The following DYRK1A variants were observed in gnomAD, a reference collection of about 807,000 sequenced individuals.
The protein encoded by DYRK1A is dual specificity tyrosine-phosphorylation-regulated kinase 1A.
A neutral mutation model predicts 79.7 loss-of-function variants in DYRK1A; 9 were observed. The observed-to-expected ratio is 0.11, with a 90% CI of 0.07 to 0.20. The LOEUF (loss-of-function observed/expected upper bound fraction) is 0.20. Ranked by LOEUF, DYRK1A falls within the 10% of genes least tolerant of loss-of-function variation. The pLI is 1.00. For synonymous variants in DYRK1A, 349 were observed against 329.7 expected (o/e 1.06, Z -0.63); for missense variants, 622 against 956.0 (o/e 0.65, Z 4.61).
At chr21:37,496,646 A>AT (rs532759831) in intron 9 of DYRK1A, among the ~76,000 whole-genome samples, 114 of 147,520 alleles carry the variant, frequency 7.7e-4, no homozygotes, top group African/African-American at 2.0e-3. Context: ...GGAGTAAATG[A>AT]TTTTTTTTTT....
chr21:37,370,967 T>C (rs888219761), intron 1 of DYRK1A, among the ~76,000 whole-genome samples: 18 of 152,202 alleles, frequency 1.2e-4, no homozygotes, highest in Middle Eastern at 3.2e-3. Context: ...CCAGATGTTA[T>C]CTTGACTGTT....
chr21:37,477,031 G>T (rs1490877329), intron 3 of DYRK1A, among the ~76,000 whole-genome samples: 1 of 152,150 alleles, frequency 6.6e-6, no homozygotes, highest in Non-Finnish European at 1.5e-5. Context: ...TAACAATTCT[G>T]TCTTTTCGGA....
intron 2 of DYRK1A, among the ~76,000 whole-genome samples, chr21:37,466,045 G>C (rs1474199845): frequency 2.0e-5 from 3 of 152,194 alleles, no homozygotes; most frequent in Non-Finnish European, 4.4e-5. Context: ...ACTCAATCTA[G>C]ATTCAAAAAA....
At chr21:37,373,521 C>T (rs573275147) in intron 1 of DYRK1A, among the ~76,000 whole-genome samples, 3 of 152,160 alleles carry the variant, frequency 2.0e-5, no homozygotes, top group Non-Finnish European at 4.4e-5. Context: ...AACAGTATAA[C>T]TTATCTAAGG....
intron 2 of DYRK1A, among the ~76,000 whole-genome samples, chr21:37,461,838 G>GTGATTTT (rs2051847983): frequency 6.8e-6 from 1 of 146,070 alleles, no homozygotes; most frequent in Non-Finnish European, 1.5e-5. Flanking sequence ...TTGCCTCAGT[G>GTGATTTT]TGATTTTTGT....
At chr21:37,398,074 A>AT (rs201720054) in intron 1 of DYRK1A, among the ~76,000 whole-genome samples, 4,113 of 109,738 alleles carry the variant, frequency 0.037, 138 homozygotes, top group African/African-American at 0.11. Context: ...TCTTAAAAAA[A>AT]AAATATATAT....
At position 37,400,812 on chromosome 21, in the gene DYRK1A, A is replaced by T. The variant is rs78743949; in HGVS notation, c.-76-19487A>T. Among the ~76,000 whole-genome samples the T allele has an allele frequency of 5.4e-3, 824 of 152,258 alleles. 19 individuals carry two copies. The East Asian group carries it at 0.086, about 16-fold the overall frequency. On this transcript the variant is annotated intron_variant, in intron 1 of 11. Transcript: ENST00000647188. ...GCAGAAGAGTAGCCAAAAATATACT[A>T]TGATTGTACCCTTTCTAAAGTTGCT... is the stretch of plus-strand genomic sequence containing the variant.
intron 2 of DYRK1A, among the ~76,000 whole-genome samples, chr21:37,451,285 C>T (rs1335327962): frequency 6.6e-6 from 1 of 152,066 alleles, no homozygotes; most frequent in African/African-American, 2.4e-5. Context: ...TCTATAAAGT[C>T]GACCGTAGTA....
chr21:37,414,580 G>C (rs777734207), intron 1 of DYRK1A, among the ~76,000 whole-genome samples: 1 of 152,086 alleles, frequency 6.6e-6, no homozygotes, highest in African/African-American at 2.4e-5. Context: ...GAACAAGCCC[G>C]CCTTATAAAA....
chr21:37,490,026 C>T, intron 6 of DYRK1A, 149 bp from the exon 7 acceptor site: 1 of 752,660 alleles, frequency 1.3e-6, no homozygotes, highest in African/African-American at 1.8e-5. Context: ...TGATTGAAAA[C>T]TGCTGTTATT....
At chr21:37,366,473 C>T (rs1162269811), upstream of DYRK1A, among the ~76,000 whole-genome samples, 1 of 148,738 alleles carries the variant, frequency 6.7e-6, no homozygotes, top group East Asian at 2.0e-4. Context: ...GCCGCCTCGC[C>T]CCCCCTTCCC....
chr21:37,402,752 C>T (rs942229518), intron 1 of DYRK1A, among the ~76,000 whole-genome samples: 1 of 151,364 alleles, frequency 6.6e-6, no homozygotes, highest in Non-Finnish European at 1.5e-5. Context: ...TTTTCTTTCC[C>T]TTTCTCTTTC....
chr21:37,513,186 A>G lies in DYRK1A; in HGVS notation c.*655A>G, dbSNP rs1349039348. ...GATCAGAACTCTCCTATCTGAACCT[A>G]CTGAGGAGCAAAGCAGCAATTACAT... On this transcript the variant is annotated 3_prime_UTR_variant, in exon 12 of 12. Transcript: ENST00000647188. The G allele has an allele frequency of 6.5e-6, 1 of 152,718 alleles. No homozygotes were observed. The highest frequency in any genetic ancestry group is 1.9e-4 in the East Asian group (1 of 5,192). 9.5% of individuals were successfully genotyped at this position (152,718 alleles called of 1,614,324 possible). A position where few individuals can be genotyped will look rare whatever the true frequency, so the allele number is the denominator to read the frequency against.
At chr21:37,483,586 T>C (rs575188030) in intron 5 of DYRK1A, among the ~76,000 whole-genome samples, 12 of 152,206 alleles carry the variant, frequency 7.9e-5, no homozygotes, top group African/African-American at 2.9e-4. Context: ...TGTTTTGTTT[T>C]GTTTTGTTTT....
upstream of DYRK1A, among the ~76,000 whole-genome samples, chr21:37,366,370 AGGCCGCGCGCGCTCCCCG>A (rs2049304067): frequency 7.1e-6 from 1 of 141,720 alleles, no homozygotes; most frequent in Non-Finnish European, 1.5e-5. Flanking sequence ...GCGGCGCGGG[AGGCCGCGCGCGCTCCCCG>A]GGCCGCAGTC....
chr21:37,375,081 T>G (rs2049510651), intron 1 of DYRK1A: 1 of 152,176 alleles, frequency 6.6e-6, no homozygotes. Context: ...GTGTACAGAG[T>G]GCAGTGGGAT....
chr21:37,494,099 C>T (rs187986125), intron 8 of DYRK1A, among the ~76,000 whole-genome samples: 2 of 152,002 alleles, frequency 1.3e-5, no homozygotes, highest in East Asian at 3.9e-4. Flanking sequence ...ACCATGTTGG[C>T]CAGGCTGCTC....
intron 1 of DYRK1A, among the ~76,000 whole-genome samples, chr21:37,399,081 G>A (rs16995058): frequency 0.018 from 2,703 of 152,104 alleles, 72 homozygotes; most frequent in African/African-American, 0.061. Context: ...GCTAAGATTG[G>A]TTATGCAGAC....
intron 1 of DYRK1A, among the ~76,000 whole-genome samples, chr21:37,400,992 A>G (rs747956572): frequency 6.6e-6 from 1 of 152,024 alleles, no homozygotes. Flanking sequence ...AAAAATACAA[A>G]AATTGTCCAG....
Sources: gnomAD v4.1 joint callset for allele counts (sites outside exome capture counted in the v4.1 genomes callset) on GRCh38, gnomAD v4.1.1 for gene constraint, MANE v1.5 for transcripts, NCBI Gene and HGNC (gene_info 2026-07-23, HGNC 2026-07-21) for gene names.